Variants in GAREM2 observed in about 807,000 individuals in gnomAD.
GAREM2 encodes the protein GRB2 associated regulator of MAPK1 subtype 2.
A neutral mutation model predicts 55.6 loss-of-function variants in GAREM2; 30 were observed. The ratio of observed to expected loss-of-function variants is 0.54; its 90% CI spans 0.40 to 0.73. The LOEUF is 0.73. Ranked by LOEUF, GAREM2 falls within the 30% of genes least tolerant of loss-of-function variation. The pLI is 0.00. For synonymous variants in GAREM2, 550 were observed against 569.1 expected (o/e 0.97, Z 0.48); for missense variants, 1,075 against 1,257.7 (o/e 0.85, Z 2.20).
intron 2 of GAREM2, among the ~76,000 whole-genome samples, chr2:26,176,864 G>T (rs570460569): frequency 6.6e-6 from 1 of 152,200 alleles, no homozygotes; most frequent in African/African-American, 2.4e-5. Flanking sequence ...TCTGTACCGC[G>T]CAACCAAATA....
chr2:26,186,088 G>A (rs1669243618), intron 4 of GAREM2, 101 bp from the exon 5 acceptor site: 11 of 1,202,860 alleles, frequency 9.1e-6, no homozygotes, highest in Admixed American at 2.9e-5. Context: ...TGGGGCAAAT[G>A]TCAGGCCCAG....
intron 2 of GAREM2, 74 bp downstream of exon 2, chr2:26,176,558 G>A: frequency 7.7e-7 from 1 of 1,306,886 alleles, no homozygotes; most frequent in Non-Finnish European, 1.0e-6. Flanking sequence ...CCAGGGGTAG[G>A]GGGAACGCTG....
intron 4 of GAREM2, 105 bp from the exon 5 acceptor site, chr2:26,186,083 CA>C: frequency 8.7e-7 from 1 of 1,155,232 alleles, no homozygotes; most frequent in South Asian, 1.6e-5. Context: ...CAAAGTGGGG[CA>C]AATGTCAGGC....
chr2:26,191,166 TA>T (rs1669484583), downstream of GAREM2: 1 of 1,396,846 alleles, frequency 7.2e-7, no homozygotes, highest in Non-Finnish European at 1.0e-6. Flanking sequence ...GTTACTCTGA[TA>T]AATCTAGACA....
downstream of GAREM2, among the ~76,000 whole-genome samples, chr2:26,190,029 C>G (rs1424211912): frequency 6.6e-6 from 1 of 152,244 alleles, no homozygotes; most frequent in East Asian, 1.9e-4. Context: ...ATTTGGAAAC[C>G]GGTTAATGGC....
chr2:26,188,304 C>T lies in GAREM2; in HGVS notation c.*47C>T, dbSNP rs987125096. The T allele has an allele frequency of 1.9e-5, 26 of 1,372,940 alleles. No individual in the cohort carries two copies. The highest frequency in any genetic ancestry group is 2.5e-5 in the Non-Finnish European group (26 of 1,042,046). 85.0% of individuals were successfully genotyped at this position (1,372,940 alleles called of 1,614,324 possible). ...AGCTGGAATGCTGGTATGGGGGCCC[C>T]AGGTACAGCACTCCGGAGGAGCAGG... is the stretch of plus-strand genomic sequence containing the variant. On this transcript the variant is annotated 3_prime_UTR_variant, in exon 6 of 6. Coordinates refer to ENST00000401533, the MANE Select transcript of GAREM2 (RefSeq NM_001168241.2).
At chr2:26,196,179 G>T in the GAREM2 span, among the ~76,000 whole-genome samples, 1 of 152,130 alleles carries the variant, frequency 6.6e-6, no homozygotes, top group South Asian at 2.1e-4. Context: ...CAAGAGGTTA[G>T]TAGTACAGAG....
At chr2:26,200,042 G>A in the GAREM2 span, among the ~76,000 whole-genome samples, 2 of 152,220 alleles carry the variant, frequency 1.3e-5, no homozygotes, top group Non-Finnish European at 2.9e-5. Context: ...ATACTAGAGA[G>A]GACAACCGAA....
chr2:26,182,805 C>T (rs962337017), intron 2 of GAREM2, among the ~76,000 whole-genome samples, 162 bp from the exon 3 acceptor site: 4 of 152,188 alleles, frequency 2.6e-5, no homozygotes, highest in African/African-American at 7.2e-5. Context: ...GATGACCAGC[C>T]CCCTTCAGCC....
chr2:26,204,046 G>A, the GAREM2 span: 2 of 1,613,058 alleles, frequency 1.2e-6, no homozygotes, highest in Admixed American at 1.7e-5. Flanking sequence ...CTTGCAAAGA[G>A]AGAGAGCAGG....
At chr2:26,183,388 C>G (rs750686185) in intron 3 of GAREM2, among the ~76,000 whole-genome samples, 1 of 152,218 alleles carries the variant, frequency 6.6e-6, no homozygotes, top group Non-Finnish European at 1.5e-5. Context: ...CCAGCACCCA[C>G]TTGTAGAGGC....
chr2:26,202,610 G>A, the GAREM2 span, among the ~76,000 whole-genome samples: 1 of 152,144 alleles, frequency 6.6e-6, no homozygotes, highest in Non-Finnish European at 1.5e-5. Flanking sequence ...GCATGGTGGC[G>A]CATGCCTGTA....
chr2:26,184,952 C>T lies in GAREM2; in HGVS notation c.1104C>T (p.Leu368=). 2.4e-6 allele frequency: 3 copies of T among 1,263,892 alleles called. No individual in the cohort carries two copies. The highest frequency in any genetic ancestry group is 3.0e-6 in the Non-Finnish European group (3 of 1,005,998). The allele number at this position is 1,263,892 out of a possible 1,614,324, so 78.3% of individuals were successfully genotyped here. A position where few individuals can be genotyped will look rare whatever the true frequency, so the allele number is the denominator to read the frequency against. Reference sequence around the variant, plus strand: ...CCGTGCGCGAGGCGCCAGCGGAGCTCGCCGAAGACTGCGCCAGCCCGCGCC... The same window carrying T: ...CCGTGCGCGAGGCGCCAGCGGAGCTTGCCGAAGACTGCGCCAGCCCGCGCC... ...STAVREAPAE[L]AEDCASPRRA... Residue 368 remains leucine (L), a synonymous_variant, in exon 4 of 6, where the codon CTC becomes CTT. Transcript: ENST00000401533.
In GAREM2 at chr2:26,176,336, C is replaced by G. The variant is rs747343441; in HGVS notation, c.113-8C>G. 2 of 1,525,560 alleles carry G rather than the reference C, an allele frequency of 1.3e-6. No individual in the cohort carries two copies. The highest frequency in any genetic ancestry group is 1.8e-6 in the Non-Finnish European group (2 of 1,132,062). The allele number at this position is 1,525,560 out of a possible 1,614,324, so 94.5% of individuals were successfully genotyped here. On this transcript the variant is annotated splice_region_variant and splice_polypyrimidine_tract_variant and intron_variant, in intron 1 of 5. Coordinates refer to ENST00000401533, the MANE Select transcript of GAREM2 (RefSeq NM_001168241.2). ...CCCCTCATCCTCTGTCCTCCTCCCC[C>G]TTCCCAGGGGAGTACGCCGAGGGCG...
At chr2:26,187,017 G>A (rs376884655) in intron 5 of GAREM2, among the ~76,000 whole-genome samples, 14 of 152,330 alleles carry the variant, frequency 9.2e-5, no homozygotes, top group African/African-American at 3.4e-4. Context: ...ATTAATTTCA[G>A]TTTCGTTTCA....
downstream of GAREM2, chr2:26,193,442 T>G (rs941917955): frequency 4.9e-6 from 4 of 821,030 alleles, no homozygotes; most frequent in East Asian, 9.7e-5. Context: ...AAAATCATTT[T>G]TGAAATCGCC....
chr2:26,198,646 T>C, the GAREM2 span, among the ~76,000 whole-genome samples: 1 of 123,278 alleles, frequency 8.1e-6, no homozygotes, highest in Non-Finnish European at 1.7e-5. Context: ...AAAAGTAAAG[T>C]ACTGCCTTAA....
chr2:26,197,736 A>G, the GAREM2 span: 11 of 1,562,798 alleles, frequency 7.0e-6, no homozygotes, highest in African/African-American at 1.4e-5. Context: ...TGATTGGGAG[A>G]GCAGATGTGT....
the GAREM2 span, chr2:26,201,275 C>T: frequency 3.1e-6 from 5 of 1,611,740 alleles, no homozygotes; most frequent in Non-Finnish European, 4.2e-6. Flanking sequence ...AGATGGAATC[C>T]CTTTCAAATG....
Sources: gnomAD v4.1 joint callset for allele counts (sites outside exome capture counted in the v4.1 genomes callset) on GRCh38, gnomAD v4.1.1 for gene constraint, MANE v1.5 for transcripts, NCBI Gene and HGNC (gene_info 2026-07-23, HGNC 2026-07-21) for gene names.